Variants in ZNF695 observed in about 807,000 individuals in gnomAD.
ZNF695 encodes zinc finger protein 695, also known as zinc finger protein SBZF3.
A neutral mutation model predicts 11.2 loss-of-function variants in ZNF695; 11 were observed. The ratio of observed to expected loss-of-function variants is 0.98; its 90% CI spans 0.62 to 1.62. The LOEUF (loss-of-function observed/expected upper bound fraction) is 1.62. Among genes scored for constraint, ZNF695 ranks in the 40% most tolerant of loss-of-function variants. The pLI is 0.00. For missense variants in ZNF695, 559 were observed against 590.5 expected (o/e 0.95, Z 0.55); for synonymous variants, 190 against 201.4 (o/e 0.94, Z 0.48).
chr1:246,957,628 A>G (rs1278440994), intron 5 of ZNF695, among the ~76,000 whole-genome samples: 1 of 151,978 alleles, frequency 6.6e-6, no homozygotes, highest in Non-Finnish European at 1.5e-5. Flanking sequence ...CTAGAAACAC[A>G]TTGTGGCAGA....
At position 246,999,990 on chromosome 1, in the gene ZNF695, T is replaced by C. The variant is rs1433379328; in HGVS notation, c.88A>G (p.Arg30Gly). 2.5e-6 allele frequency: 4 copies of C among 1,614,150 alleles called. No individual in the cohort carries two copies. Among genetic ancestry groups the C allele is most frequent in the Non-Finnish European group, 3.4e-6 (4 of 1,180,006 alleles). The change falls in exon 2 of 4, where the codon AGG becomes GGG. Residue 30 changes from arginine (R) to glycine (G), a missense_variant. By Grantham distance (125) the Arg-to-Gly change is moderately radical (BLOSUM62 -2). Transcript: ENST00000339986. ...CTGTAGTTCTCTAACATCACATCCC[T>C]ATACAAACTCCGCTGAGCTGGGTCC... is the stretch of plus-strand genomic sequence containing the variant. ...CLDPAQRSLYRDVMLENYRNL... is the reference protein window; with the variant it reads ...CLDPAQRSLYGDVMLENYRNL...
chr1:246,963,740 T>A (rs1220838738), intron 5 of ZNF695, among the ~76,000 whole-genome samples: 1 of 152,180 alleles, frequency 6.6e-6, no homozygotes, highest in East Asian at 1.9e-4. Context: ...TGTGGAGTTT[T>A]CCCCACACCG....
downstream of ZNF695, among the ~76,000 whole-genome samples, chr1:246,981,651 T>C (rs916966162): frequency 6.6e-6 from 1 of 152,200 alleles, no homozygotes; most frequent in Admixed American, 6.5e-5. Context: ...TGAAATATTT[T>C]AGAACTTTTA....
At chr1:246,951,688 G>A (rs765312035) in intron 5 of ZNF695, among the ~76,000 whole-genome samples, 3 of 152,192 alleles carry the variant, frequency 2.0e-5, no homozygotes, top group African/African-American at 4.8e-5. Flanking sequence ...TAGCTACAAC[G>A]ATCCAAATTG....
At chr1:246,961,150 A>C (rs889910365) in intron 5 of ZNF695, among the ~76,000 whole-genome samples, 4 of 152,198 alleles carry the variant, frequency 2.6e-5, no homozygotes, top group African/African-American at 4.8e-5. Flanking sequence ...CTTAACATCA[A>C]ATAATGCATA....
intron 3 of ZNF695, among the ~76,000 whole-genome samples, chr1:246,997,776 C>T (rs1013946204): frequency 1.3e-5 from 2 of 152,118 alleles, no homozygotes; most frequent in East Asian, 3.8e-4. Flanking sequence ...CATACTAAGT[C>T]GCTAAGTGAA....
chr1:246,991,424 T>C (rs1669030070), intron 3 of ZNF695, among the ~76,000 whole-genome samples: 1 of 152,032 alleles, frequency 6.6e-6, no homozygotes, highest in Non-Finnish European at 1.5e-5. Context: ...AACAACTCTA[T>C]AGGAAAAAAA....
intron 5 of ZNF695, among the ~76,000 whole-genome samples, chr1:246,948,775 A>C (rs1185698909): frequency 6.6e-6 from 1 of 152,208 alleles, no homozygotes; most frequent in East Asian, 1.9e-4. Context: ...GGCTCATAGA[A>C]GACAAGAGAG....
At chr1:246,979,312 A>G (rs1668644938) in intron 4 of ZNF695, among the ~76,000 whole-genome samples, 1 of 152,136 alleles carries the variant, frequency 6.6e-6, no homozygotes. Flanking sequence ...TGGTGGTGAC[A>G]ACGGAGGTTT....
chr1:247,006,884 T>A (rs1334293939), intron 1 of ZNF695, among the ~76,000 whole-genome samples: 1 of 152,222 alleles, frequency 6.6e-6, no homozygotes, highest in East Asian at 1.9e-4. Flanking sequence ...GTCCTGGGAT[T>A]CTATCTAAGG....
intron 3 of ZNF695, among the ~76,000 whole-genome samples, chr1:246,990,972 G>T (rs1444394802): frequency 6.6e-6 from 1 of 152,080 alleles, no homozygotes; most frequent in Non-Finnish European, 1.5e-5. Flanking sequence ...AAACAGGGAA[G>T]TTTATAGTTA....
rs182272944 is a variant in ZNF695 at position 246,946,266 on chromosome 1, G to A, written c.489-439C>T. Reference sequence around the variant, plus strand: ...TCTACCTATCACTATATGACAGAGCGTCTTCTATCTACACCATGAAAATTT... The same window carrying A: ...TCTACCTATCACTATATGACAGAGCATCTTCTATCTACACCATGAAAATTT... On this transcript the variant is annotated intron_variant, in intron 5 of 5. Coordinates refer to the ZNF695 transcript ENST00000487338. Among the ~76,000 whole-genome samples, 242 of 151,744 alleles carry A rather than the reference G, an allele frequency of 1.6e-3. 1 individual carries two copies. The highest frequency in any genetic ancestry group is 2.5e-3 in the Non-Finnish European group (169 of 67,908).
chr1:246,999,352 G>T lies in ZNF695; in HGVS notation c.255C>A (p.His85Gln). The T allele has an allele frequency of 6.2e-7, 1 of 1,612,436 alleles. No individual in the cohort carries two copies. The highest frequency in any genetic ancestry group is 8.5e-7 in the Non-Finnish European group (1 of 1,178,524). ...WNVNTEKTARHSVLSSYLTED... is the reference protein window; with the variant it reads ...WNVNTEKTARQSVLSSYLTED... ...GCTTCATTCACTCCCACCTACCTGA[G>T]TGTCTGGCTGTCTTCTCTGTGTTCA... Residue 85 changes from histidine (H) to glutamine (Q), a missense_variant, in exon 3 of 4, where the codon CAC (histidine) becomes CAA (glutamine). Coordinates refer to ENST00000339986, the MANE Select transcript of ZNF695 (RefSeq NM_020394.5).
intron 5 of ZNF695, among the ~76,000 whole-genome samples, chr1:246,964,075 T>C (rs747589541): frequency 5.3e-5 from 8 of 152,266 alleles, no homozygotes; most frequent in South Asian, 2.1e-4. Flanking sequence ...GAGAGATGCA[T>C]TGGGCCAGGT....
intron 5 of ZNF695, among the ~76,000 whole-genome samples, chr1:246,957,381 T>TAA (rs748363026): frequency 7.7e-6 from 1 of 129,472 alleles, no homozygotes; most frequent in Non-Finnish European, 1.7e-5. Context: ...AAACTCCGTC[T>TAA]AAAAAAAAAA....
chr1:246,997,230 C>T (rs1184226220), intron 3 of ZNF695, among the ~76,000 whole-genome samples: 1 of 151,954 alleles, frequency 6.6e-6, no homozygotes, highest in African/African-American at 2.4e-5. Flanking sequence ...AGTCCAGGCG[C>T]GGTGGCTCAC....
rs1022383199 is a variant in ZNF695 at position 246,999,313 on chromosome 1, C to A, written c.259+35G>T. 2.0e-6 allele frequency: 3 copies of A among 1,522,100 alleles called. No homozygotes were observed. In the East Asian group the frequency reaches 6.8e-5, roughly 34 times the overall value. 94.3% of individuals were successfully genotyped at this position (1,522,100 alleles called of 1,614,324 possible). On this transcript the variant is annotated intron_variant, in intron 3 of 3. Coordinates refer to ENST00000339986, the MANE Select transcript of ZNF695 (RefSeq NM_020394.5). ...CTGGCTTCTTCCTTGATCCTTCAAC[C>A]CCTACCTGTGTTCGCTTCATTCACT...
At chr1:246,949,326 C>T (rs2102997220) in intron 5 of ZNF695, among the ~76,000 whole-genome samples, 1 of 152,220 alleles carries the variant, frequency 6.6e-6, no homozygotes, top group Non-Finnish European at 1.5e-5. Flanking sequence ...CCTGGTAGCT[C>T]ACAGTTGTAA....
intron 5 of ZNF695, chr1:246,966,876 T>C (rs2103009307): frequency 2.2e-6 from 1 of 455,900 alleles, no homozygotes; most frequent in Middle Eastern, 3.3e-4. Context: ...AGATGAGGAG[T>C]TATTGGAGGG....
Sources: allele counts gnomAD v4.1 joint callset (sites outside exome capture counted in the v4.1 genomes callset), GRCh38; gene constraint gnomAD v4.1.1; transcripts MANE v1.5; gene names NCBI Gene and HGNC (gene_info 2026-07-23, HGNC 2026-07-21).